Variants in MPHOSPH8 observed in about 807,000 individuals in gnomAD.
The protein encoded by MPHOSPH8 is M-phase phosphoprotein, mpp.
MPHOSPH8 carries 45 observed loss-of-function variants against 87.3 expected under a neutral mutation model. That is an observed-to-expected ratio of 0.52 (90% CI 0.41 to 0.66). MPHOSPH8 has a LOEUF of 0.66. Among genes scored for constraint, MPHOSPH8 ranks in the 30% least tolerant of loss-of-function variants. MPHOSPH8 has a pLI of 0.00. For synonymous variants in MPHOSPH8, 366 were observed against 376.9 expected, an observed-to-expected ratio of 0.97 and a Z score of 0.33; for missense variants, 883 against 1,020.2, an observed-to-expected ratio of 0.87 and a Z score of 1.83.
Position 19,663,052 on chromosome 13 carries a change from A to T in MPHOSPH8, c.1945A>T (p.Thr649Ser). ...IHAAEKNFLTTVAILLEAGAF... is the reference protein window; with the variant it reads ...IHAAEKNFLTSVAILLEAGAF... The stretch of plus-strand genomic sequence containing the variant: ...TTTCTTTTCATAGAACTTTTTAACA[A>T]CAGTGGCTATTCTTTTGGAAGCAGG... The change falls in exon 9 of 14, where the codon ACA becomes TCA. Residue 649 changes from threonine to serine, a missense_variant. Physicochemically the swap from Thr to Ser is moderately conservative, Grantham distance 58. This residue lies in a region of MPHOSPH8 where 741 missense variants were observed against 841.5 expected (regional missense o/e 0.88). Coordinates refer to ENST00000361479, the MANE Select transcript of MPHOSPH8 (RefSeq NM_017520.4). The T allele has an allele frequency of 6.2e-7, 1 of 1,612,904 alleles. No homozygotes were observed. The highest frequency in any genetic ancestry group is 2.2e-5 in the East Asian group (1 of 44,872).
chr13:19,670,176 T>C, intron 11 of MPHOSPH8, 60 bp from the exon 12 acceptor site: 1 of 1,600,436 alleles, frequency 6.2e-7, no homozygotes, highest in Non-Finnish European at 8.5e-7. Context: ...TGGTGTTGAG[T>C]GTTCCTCTGG....
At chr13:19,646,298 G>A (rs987738694) in intron 2 of MPHOSPH8, 145 bp from the exon 3 acceptor site, 7 of 667,366 alleles carry the variant, frequency 1.0e-5, no homozygotes, top group South Asian at 4.3e-5. Context: ...GGTAGCATAC[G>A]ATTTCAGCTT....
chr13:19,671,983 C>A lies in MPHOSPH8; in HGVS notation c.*108C>A. On this transcript the variant is annotated 3_prime_UTR_variant, in exon 14 of 14. Transcript: ENST00000361479. ...ATCTATGTAAAGTTTTGTCTGTAAA[C>A]CTCTTGCAGTTAAGCCTGTTGTCTG... The A allele has an allele frequency of 8.7e-7, 1 of 1,150,216 alleles. No individual in the cohort carries two copies. The highest frequency in any genetic ancestry group is 1.9e-5 in the Admixed American group (1 of 51,850). 71.3% of individuals were successfully genotyped at this position (1,150,216 alleles called of 1,614,324 possible).
rs560789199 is a variant in MPHOSPH8 at position 19,663,178 on chromosome 13, G to T, written c.2019+52G>T. The T allele has an allele frequency of 4.1e-6, 6 of 1,469,942 alleles. No individual in the cohort carries two copies. In the South Asian group the frequency reaches 6.8e-5, roughly 17 times the overall value. The allele number at this position is 1,469,942 out of a possible 1,614,324, so 91.1% of individuals were successfully genotyped here. A position where few individuals can be genotyped will look rare whatever the true frequency, so the allele number is the denominator to read the frequency against. Reference sequence around the variant, plus strand: ...TTCTTCACTACGTTGGCAGGTGCTCGTGTTGGCATCTGCCACTGCCAGGCA... The same window carrying T: ...TTCTTCACTACGTTGGCAGGTGCTCTTGTTGGCATCTGCCACTGCCAGGCA... On this transcript the variant is annotated intron_variant, in intron 9 of 13. Coordinates refer to ENST00000361479, the MANE Select transcript of MPHOSPH8 (RefSeq NM_017520.4).
intron 2 of MPHOSPH8, among the ~76,000 whole-genome samples, chr13:19,643,150 C>G (rs756855909): frequency 2.6e-5 from 4 of 152,042 alleles, no homozygotes; most frequent in Non-Finnish European, 5.9e-5. Flanking sequence ...GGGGCCAGAC[C>G]CCTAAACAGT....
chr13:19,634,785 G>T (rs1593462708), intron 1 of MPHOSPH8, among the ~76,000 whole-genome samples: 1 of 152,338 alleles, frequency 6.6e-6, no homozygotes, highest in East Asian at 1.9e-4. Context: ...CCAAGGGGAA[G>T]CATGGACAAT....
At chr13:19,665,395 G>A (rs1180522287) in intron 9 of MPHOSPH8, among the ~76,000 whole-genome samples, 1 of 152,184 alleles carries the variant, frequency 6.6e-6, no homozygotes, top group Non-Finnish European at 1.5e-5. Context: ...AGAGTGGGCA[G>A]GTGCAGAGGG....
At chr13:19,656,083 A>G (rs938157910) in intron 5 of MPHOSPH8, among the ~76,000 whole-genome samples, 3 of 152,100 alleles carry the variant, frequency 2.0e-5, no homozygotes, top group African/African-American at 7.2e-5. Flanking sequence ...CCTGGGCAAC[A>G]AGAGCAAAAC....
chr13:19,643,463 T>G (rs1415242599), intron 2 of MPHOSPH8, among the ~76,000 whole-genome samples: 1 of 152,068 alleles, frequency 6.6e-6, no homozygotes, highest in South Asian at 2.1e-4. Context: ...ATCAGGCTGG[T>G]AGGAACTCCT....
rs912120524 is a variant in MPHOSPH8 at position 19,648,579 on chromosome 13, A to C, written c.1318+58A>C. On this transcript the variant is annotated intron_variant, in intron 4 of 13. Coordinates refer to ENST00000361479, the MANE Select transcript of MPHOSPH8 (RefSeq NM_017520.4). ...GTTGCTATCTTTTATACAAATAACC[A>C]GTTACCTAAATTTATTATATAAAAA... is the stretch of plus-strand genomic sequence containing the variant. The C allele has an allele frequency of 1.0e-4, 75 of 745,694 alleles. No homozygotes were observed. In the African/African-American group the frequency reaches 1.3e-3, roughly 13 times the overall value. 46.2% of individuals were successfully genotyped at this position (745,694 alleles called of 1,614,324 possible). A position where few individuals can be genotyped will look rare whatever the true frequency, so the allele number is the denominator to read the frequency against.
At chr13:19,646,353 A>G (rs1565935121) in intron 2 of MPHOSPH8, 90 bp from the exon 3 acceptor site, 1 of 1,136,596 alleles carries the variant, frequency 8.8e-7, no homozygotes, top group Non-Finnish European at 1.2e-6. Context: ...GGAACAAAAA[A>G]TATTCTTACC....
rs1875802006 is a variant in MPHOSPH8 at position 19,666,163 on chromosome 13, AAAAC to A, written c.2020-261_2020-258del. 2.0e-5 allele frequency among the ~76,000 whole-genome samples: 3 copies of A among 152,196 alleles called. No individual in the cohort carries two copies. In the South Asian group the frequency reaches 6.2e-4, roughly 31 times the overall value. On this transcript the variant is annotated intron_variant, in intron 9 of 13. Transcript: ENST00000361479. ...CCTTTTTGAAGTTGCCCATTTCCTGAAAACTCAGTGCTAAGATATTAACTGAATG... is the reference window on the plus strand; with the variant it reads ...CCTTTTTGAAGTTGCCCATTTCCTGATCAGTGCTAAGATATTAACTGAATG...
At position 19,656,260 on chromosome 13, in the gene MPHOSPH8, C is replaced by T. The variant is rs1472850174; in HGVS notation, c.1577-2735C>T. 3.6e-5 allele frequency among the ~76,000 whole-genome samples: 4 copies of T among 112,264 alleles called. No individual in the cohort carries two copies. The East Asian group carries it at 1.1e-3, about 30-fold the overall frequency. The allele number at this position is 112,264 out of a possible 152,430, so 73.6% of individuals were successfully genotyped here. On this transcript the variant is annotated intron_variant, in intron 5 of 13. Transcript: ENST00000361479. ...TGCCACTGCACTTCAGCCTGGACGA[C>T]AGAGCAAGACTGTTGTCAAAAAAAA...
At chr13:19,664,553 G>A (rs1188321012) in intron 9 of MPHOSPH8, among the ~76,000 whole-genome samples, 1 of 152,184 alleles carries the variant, frequency 6.6e-6, no homozygotes, top group Non-Finnish European at 1.5e-5. Flanking sequence ...AGTACAGAAG[G>A]GGCATAGATT....
At chr13:19,652,059 G>A (rs1307807085) in intron 5 of MPHOSPH8, among the ~76,000 whole-genome samples, 10 of 152,244 alleles carry the variant, frequency 6.6e-5, no homozygotes, top group African/African-American at 9.6e-5. Flanking sequence ...CCAAGATCAC[G>A]TCACTGCACC....
intron 12 of MPHOSPH8, 130 bp from the exon 13 acceptor site, chr13:19,671,073 GCCT>G: frequency 1.4e-6 from 2 of 1,458,894 alleles, no homozygotes; most frequent in South Asian, 1.4e-5. Context: ...GTCCGCCTTG[GCCT>G]CCTCCACAAC....
Position 19,666,348 on chromosome 13 carries a change from G to A in MPHOSPH8, c.2020-77G>A, listed in dbSNP as rs1290647621. On this transcript the variant is annotated intron_variant, in intron 9 of 13. Transcript: ENST00000361479. ...TGCCCTCTCTTCACAGAACCGCTAAGCATGTATGGAGAAGGGACCAGCACC... is the reference window on the plus strand; with the variant it reads ...TGCCCTCTCTTCACAGAACCGCTAAACATGTATGGAGAAGGGACCAGCACC... The A allele has an allele frequency of 2.9e-5, 41 of 1,420,580 alleles. No homozygotes were observed. The Admixed American group carries it at 7.2e-4, about 25-fold the overall frequency. 88.0% of individuals were successfully genotyped at this position (1,420,580 alleles called of 1,614,324 possible). A position where few individuals can be genotyped will look rare whatever the true frequency, so the allele number is the denominator to read the frequency against.
At chr13:19,671,431 C>T in intron 13 of MPHOSPH8, 142 bp downstream of exon 13, 2 of 677,226 alleles carry the variant, frequency 3.0e-6, no homozygotes, top group Non-Finnish European at 5.1e-6. Context: ...ATGCTAGGTG[C>T]ACCCTCTCTC....
At chr13:19,642,454 C>T (rs1353919466) in intron 2 of MPHOSPH8, among the ~76,000 whole-genome samples, 184 bp downstream of exon 2, 1 of 152,038 alleles carries the variant, frequency 6.6e-6, no homozygotes, top group East Asian at 1.9e-4. Context: ...TCTTTCTGTA[C>T]CCAACCTACA....
Sources: gnomAD v4.1 joint callset for allele counts (sites outside exome capture counted in the v4.1 genomes callset) on GRCh38, gnomAD v4.1.1 for gene constraint, gnomAD v4.1.1 regional missense constraint, MANE v1.5 for transcripts, NCBI Gene and HGNC (gene_info 2026-07-23, HGNC 2026-07-21) for gene names.